The following CSMD1 variants were observed in gnomAD, a reference collection of about 807,000 sequenced individuals.
CSMD1 encodes the protein CUB and Sushi multiple domains 1, also known as CUB and sushi domain-containing protein 1.
CSMD1 carries 213 observed loss-of-function variants against 417.5 expected under a neutral mutation model. The observed-to-expected ratio is 0.51, with a 90% confidence interval of 0.46 to 0.57. The LOEUF (loss-of-function observed/expected upper bound fraction) is 0.57. Ranked by LOEUF, CSMD1 falls within the 20% of genes least tolerant of loss-of-function variation. The pLI is 0.00. For synonymous variants in CSMD1, 2,862 were observed against 1,736.8 expected (o/e 1.65, Z -16.11); for missense variants, 6,923 against 4,529.7 (o/e 1.53, Z -15.17).
chr8:4,208,774 A>G (rs370702169), intron 3 of CSMD1, among the ~76,000 whole-genome samples: 3 of 152,364 alleles, frequency 2.0e-5, no homozygotes, highest in Non-Finnish European at 2.9e-5. Flanking sequence ...TTTGTATTAC[A>G]GAAATCAGAA....
At chr8:4,837,684 C>A (rs1377013109) in intron 1 of CSMD1, among the ~76,000 whole-genome samples, 2 of 152,058 alleles carry the variant, frequency 1.3e-5, no homozygotes, top group Admixed American at 1.3e-4. Context: ...TAAATAAAAT[C>A]TACTATTTGA....
intron 1 of CSMD1, among the ~76,000 whole-genome samples, chr8:4,912,853 T>G (rs570595293): frequency 6.6e-6 from 1 of 152,188 alleles, no homozygotes; most frequent in East Asian, 1.9e-4. Context: ...TGGTGCAACC[T>G]TGGCTTACTA....
intron 3 of CSMD1, among the ~76,000 whole-genome samples, chr8:4,186,016 A>C (rs867484265): frequency 6.6e-6 from 1 of 152,298 alleles, no homozygotes; most frequent in South Asian, 2.1e-4. Flanking sequence ...TCTGATACAT[A>C]CAAATCCCTA....
At chr8:3,668,127 C>T (rs1798798925) in intron 7 of CSMD1, among the ~76,000 whole-genome samples, 1 of 152,146 alleles carries the variant, frequency 6.6e-6, no homozygotes, top group African/African-American at 2.4e-5. Context: ...GCGTTGAACA[C>T]AATTTGGACA....
intron 2 of CSMD1, among the ~76,000 whole-genome samples, chr8:4,509,275 T>C (rs898006083): frequency 2.0e-5 from 3 of 152,162 alleles, no homozygotes; most frequent in African/African-American, 7.2e-5. Flanking sequence ...TTTTCTTTTA[T>C]AAGTAAATGA....
At chr8:4,868,935 A>T (rs1163446747) in intron 1 of CSMD1, among the ~76,000 whole-genome samples, 1 of 152,200 alleles carries the variant, frequency 6.6e-6, no homozygotes, top group South Asian at 2.1e-4. Flanking sequence ...GTGTGTAGTT[A>T]TAGGTATAGA....
intron 2 of CSMD1, among the ~76,000 whole-genome samples, chr8:4,479,414 A>G (rs916670880): frequency 6.6e-6 from 1 of 152,120 alleles, no homozygotes; most frequent in Admixed American, 6.6e-5. Context: ...TTCAGTAATT[A>G]AGAAACCAGA....
chr8:3,405,904 A>T (rs1391225908), intron 15 of CSMD1, 123 bp downstream of exon 15: 2 of 839,084 alleles, frequency 2.4e-6, no homozygotes, highest in Non-Finnish European at 3.7e-6. Context: ...TGGTTAAGTG[A>T]CTGTGTGTGG....
chr8:2,997,579 A>C (rs757504384), intron 54 of CSMD1, among the ~76,000 whole-genome samples: 1 of 152,214 alleles, frequency 6.6e-6, no homozygotes, highest in Non-Finnish European at 1.5e-5. Flanking sequence ...TTTTCTTGGA[A>C]ACTCAGATTT....
chr8:4,951,439 AAG>A (rs1369987359), intron 1 of CSMD1, among the ~76,000 whole-genome samples: 1 of 151,818 alleles, frequency 6.6e-6, no homozygotes, highest in African/African-American at 2.4e-5. Context: ...AAAAGAAAGA[AAG>A]AGGGAAGGAA....
intron 8 of CSMD1, among the ~76,000 whole-genome samples, chr8:3,604,609 T>A (rs1382200427): frequency 1.3e-5 from 2 of 151,400 alleles, no homozygotes; most frequent in East Asian, 3.9e-4. Context: ...TGATGACAAA[T>A]AAAATAGTAA....
rs116665002 is a variant in CSMD1, at chr8:3,045,873, T to C, written c.7660+6589A>G. On this transcript the variant is annotated intron_variant, in intron 50 of 69. Coordinates refer to ENST00000635120, the MANE Select transcript of CSMD1 (RefSeq NM_033225.6). ...AATGAAATTACATACCTCATAATAA[T>C]TAAGTAAATTAACTTGTGTAAAGCT... is the stretch of plus-strand genomic sequence containing the variant. Among the ~76,000 whole-genome samples, 807 of 152,254 alleles carry C rather than the reference T, an allele frequency of 5.3e-3. 8 individuals carry two copies. The highest frequency in any genetic ancestry group is 0.016 in the African/African-American group (675 of 41,536).
intron 12 of CSMD1, among the ~76,000 whole-genome samples, chr8:3,464,978 C>T (rs1396180656): frequency 1.3e-5 from 2 of 152,084 alleles, no homozygotes; most frequent in East Asian, 1.9e-4. Context: ...CTCTCTCTCT[C>T]GTTCTGTGTA....
intron 30 of CSMD1, among the ~76,000 whole-genome samples, chr8:3,207,171 G>C (rs141844257): frequency 0.011 from 590 of 52,886 alleles, 9 homozygotes; most frequent in Non-Finnish European, 0.018. Flanking sequence ...TTTTGAGATG[G>C]TGTCTTGCCC....
At chr8:3,994,581 T>A (rs1815055773) in intron 5 of CSMD1, among the ~76,000 whole-genome samples, 1 of 151,950 alleles carries the variant, frequency 6.6e-6, no homozygotes, top group African/African-American at 2.4e-5. Flanking sequence ...AAGCAAGGGA[T>A]TGATAGGAAG....
chr8:3,815,614 C>T (rs1345458060), intron 5 of CSMD1, among the ~76,000 whole-genome samples: 1 of 132,886 alleles, frequency 7.5e-6, no homozygotes, highest in African/African-American at 2.9e-5. Flanking sequence ...ATGTCTATCA[C>T]TGCTAGACTT....
chr8:4,042,310 T>G (rs1797931967), intron 3 of CSMD1, among the ~76,000 whole-genome samples: 1 of 152,180 alleles, frequency 6.6e-6, no homozygotes, highest in African/African-American at 2.4e-5. Flanking sequence ...AGTAATGTTC[T>G]GTGTAGAGAG....
intron 10 of CSMD1, among the ~76,000 whole-genome samples, chr8:3,567,443 T>C (rs1038203037): frequency 1.1e-5 from 1 of 89,854 alleles, no homozygotes; most frequent in Non-Finnish European, 2.3e-5. Context: ...AAAATAAAAA[T>C]AAAAATATAA....
chr8:4,611,715 A>G (rs975407947), intron 2 of CSMD1, among the ~76,000 whole-genome samples: 1 of 152,110 alleles, frequency 6.6e-6, no homozygotes, highest in Non-Finnish European at 1.5e-5. Flanking sequence ...TGTATTTTCA[A>G]TATTATTTAT....
Sources: gnomAD v4.1 joint callset for allele counts (sites outside exome capture counted in the v4.1 genomes callset) on GRCh38, gnomAD v4.1.1 for gene constraint, MANE v1.5 for transcripts, NCBI Gene and HGNC (gene_info 2026-07-23, HGNC 2026-07-21) for gene names.